Variants in SPINK1 observed in about 807,000 individuals in gnomAD.
The protein encoded by SPINK1 is serine protease inhibitor Kazal-type 1.
In SPINK1, 5 loss-of-function variants were observed where a neutral mutation model predicts 9.5. The ratio of observed to expected loss-of-function variants is 0.52; its 90% CI spans 0.27 to 1.10. The LOEUF is 1.10. Ranked by LOEUF, SPINK1 falls within the 50% of genes least tolerant of loss-of-function variation. SPINK1 has a pLI of 0.11. For missense variants in SPINK1, 88 were observed against 92.7 expected (o/e 0.95, Z 0.21); for synonymous variants, 37 against 32.3 (o/e 1.14, Z -0.49).
chr5:147,835,452 A>T (rs138602714), upstream of SPINK1, among the ~76,000 whole-genome samples: 3 of 152,178 alleles, frequency 2.0e-5, no homozygotes, highest in African/African-American at 7.2e-5. Context: ...TTGACCAGAG[A>T]AATCCTGCCA....
At chr5:147,826,033 G>A (rs1455524747) in intron 3 of SPINK1, among the ~76,000 whole-genome samples, 1 of 152,194 alleles carries the variant, frequency 6.6e-6, no homozygotes, top group Non-Finnish European at 1.5e-5. Context: ...GTATTAGACA[G>A]CATAAACATA....
In SPINK1 at chr5:147,828,107, T is replaced by G. The variant is rs761739859; in HGVS notation, c.109A>C (p.Asn37His). The G allele has an allele frequency of 5.0e-6, 8 of 1,613,204 alleles. No individual in the cohort carries two copies. In the East Asian group the frequency reaches 1.8e-4, roughly 36 times the overall value. ...GGGTCATATATCTTGGTGCATCCAT[T>G]AAGTTCATTGTAACATTTGGCCTAA... ...GREAKCYNEL[N>H]GCTKIYDPVC... is the part of the protein sequence containing the mutation. Residue 37 changes from asparagine (N) to histidine (H), a missense_variant, in exon 3 of 4, where the codon AAT (asparagine) becomes CAT (histidine). Coordinates refer to ENST00000296695, the MANE Select transcript of SPINK1 (RefSeq NM_001379610.1).
chr5:147,838,046 A>C, the SPINK1 span, among the ~76,000 whole-genome samples: 1 of 152,068 alleles, frequency 6.6e-6, no homozygotes, highest in Non-Finnish European at 1.5e-5. Flanking sequence ...GTTGGAGGCC[A>C]CCTGTCTTGG....
chr5:147,830,948 C>T (rs947320255), intron 1 of SPINK1, among the ~76,000 whole-genome samples: 2 of 152,048 alleles, frequency 1.3e-5, no homozygotes, highest in Non-Finnish European at 2.9e-5. Context: ...ACACAAAATG[C>T]AATTTTTGTA....
At chr5:147,836,797 A>G in the SPINK1 span, among the ~76,000 whole-genome samples, 3 of 152,002 alleles carry the variant, frequency 2.0e-5, no homozygotes, top group East Asian at 3.9e-4. Flanking sequence ...TCTCTTTTCT[A>G]CTCTCTCCAG....
At chr5:147,838,601 G>C in the SPINK1 span, among the ~76,000 whole-genome samples, 1 of 152,106 alleles carries the variant, frequency 6.6e-6, no homozygotes, top group Non-Finnish European at 1.5e-5. Context: ...ATAATGCCCT[G>C]ATATCATTTC....
At chr5:147,832,101 A>C (rs909621659), upstream of SPINK1, among the ~76,000 whole-genome samples, 10 of 152,152 alleles carry the variant, frequency 6.6e-5, no homozygotes, top group African/African-American at 2.2e-4. Flanking sequence ...CTCATTCACA[A>C]AACCTAAAGT....
upstream of SPINK1, among the ~76,000 whole-genome samples, chr5:147,835,829 C>T (rs541232844): frequency 6.6e-6 from 1 of 152,194 alleles, no homozygotes; most frequent in African/African-American, 2.4e-5. Flanking sequence ...CATTTGGAGA[C>T]CTCCTTGACA....
rs111966833 is a variant in SPINK1, at chr5:147,828,053, G to C, written c.163C>G (p.Pro55Ala). The change falls in exon 3 of 4, where the codon CCC becomes GCC. Residue 55 changes from proline to alanine, a missense_variant. By Grantham distance (27) the Pro-to-Ala change is conservative (BLOSUM62 -1). Coordinates refer to ENST00000296695, the MANE Select transcript of SPINK1 (RefSeq NM_001379610.1). ...TCAAAACATAACACGCATTCATTGG[G>C]ATAAGTATTTCCATCAGTCCCACAG... ...PVCGTDGNTY[P>A]NECVLCFENR... 1 of 1,613,174 alleles carries C rather than the reference G, an allele frequency of 6.2e-7. No homozygotes were observed. Among genetic ancestry groups the C allele is most frequent in the Admixed American group, 1.7e-5 (1 of 59,984 alleles).
chr5:147,825,348 T>C (rs1756380844), intron 3 of SPINK1, among the ~76,000 whole-genome samples: 1 of 152,192 alleles, frequency 6.6e-6, no homozygotes. Flanking sequence ...TTTCTTTGAA[T>C]GTACGGGCTT....
chr5:147,830,726 A>G (rs767907023), intron 1 of SPINK1, among the ~76,000 whole-genome samples: 2 of 152,198 alleles, frequency 1.3e-5, no homozygotes, highest in Non-Finnish European at 2.9e-5. Context: ...TTCTTAGCAA[A>G]GTGCTGATTT....
upstream of SPINK1, among the ~76,000 whole-genome samples, chr5:147,834,831 C>A (rs1398327244): frequency 6.6e-6 from 1 of 151,950 alleles, no homozygotes; most frequent in Non-Finnish European, 1.5e-5. Context: ...TGAGTTATGG[C>A]CTAGCATATG....
chr5:147,830,407 A>T (rs577318551), intron 1 of SPINK1, among the ~76,000 whole-genome samples: 1 of 152,328 alleles, frequency 6.6e-6, no homozygotes, highest in Admixed American at 6.5e-5. Flanking sequence ...ATAAGGAAAC[A>T]TTCCTGAAAA....
At position 147,828,066 on chromosome 5, in the gene SPINK1, A is replaced by C. The variant is rs515726206; in HGVS notation, c.150T>G (p.Asp50Glu). 6.2e-7 allele frequency: 1 copy of C among 1,613,698 alleles called. No individual in the cohort carries two copies. ...TKIYDPVCGT[D>E]GNTYPNECVL... The stretch of plus-strand genomic sequence containing the variant: ...CGCATTCATTGGGATAAGTATTTCC[A>C]TCAGTCCCACAGACAGGGTCATATA... Residue 50 changes from aspartate to glutamate, a missense_variant, in exon 3 of 4, where the codon GAT becomes GAG. By Grantham distance (45) the Asp-to-Glu change is conservative. Coordinates refer to ENST00000296695, the MANE Select transcript of SPINK1 (RefSeq NM_001379610.1).
At chr5:147,830,210 A>C (rs745807062) in intron 1 of SPINK1, among the ~76,000 whole-genome samples, 7 of 152,174 alleles carry the variant, frequency 4.6e-5, no homozygotes, top group Non-Finnish European at 1.0e-4. Context: ...GTTCCCAAAG[A>C]GCTATTTCCA....
chr5:147,837,690 T>TTTCTTTCTTTCTTTCTTTCC, the SPINK1 span, among the ~76,000 whole-genome samples: 1 of 148,698 alleles, frequency 6.7e-6, no homozygotes, highest in Non-Finnish European at 1.5e-5. Context: ...TCTTTCTTTC[T>TTTCTTTCTTTCTTTCTTTCC]TTCTTTCTTT....
intron 2 of SPINK1, 131 bp downstream of exon 2, chr5:147,829,468 C>G: frequency 1.2e-6 from 1 of 820,334 alleles, no homozygotes; most frequent in Non-Finnish European, 2.0e-6. Context: ...TTGCATTTCT[C>G]ACGTTAACCC....
upstream of SPINK1, among the ~76,000 whole-genome samples, chr5:147,833,683 A>G (rs1756548020): frequency 6.6e-6 from 1 of 152,196 alleles, no homozygotes; most frequent in Admixed American, 6.6e-5. Flanking sequence ...CATTTCCTGC[A>G]AAGAGTTTCT....
the SPINK1 span, among the ~76,000 whole-genome samples, chr5:147,837,076 C>A: frequency 6.6e-6 from 1 of 152,142 alleles, no homozygotes; most frequent in South Asian, 2.1e-4. Context: ...TTATGACCCT[C>A]AATTTTCATA....
Sources: gnomAD v4.1 joint callset for allele counts (sites outside exome capture counted in the v4.1 genomes callset) on GRCh38, gnomAD v4.1.1 for gene constraint, MANE v1.5 for transcripts, NCBI Gene and HGNC (gene_info 2026-07-23, HGNC 2026-07-21) for gene names.